PKD1L1: variants seen among roughly 807,000 people sequenced by gnomAD.
PKD1L1 encodes polycystin-1-like protein 1.
Under a neutral mutation model 323.4 loss-of-function variants are expected in PKD1L1, and 236 were observed. The ratio of observed to expected loss-of-function variants is 0.73; its 90% CI spans 0.66 to 0.81. The LOEUF is 0.81. Ranked by LOEUF, PKD1L1 falls within the 40% of genes least tolerant of loss-of-function variation. PKD1L1 has a pLI of 0.00. For missense variants in PKD1L1, 3,320 were observed against 3,508.0 expected (o/e 0.95, Z 1.35); for synonymous variants, 1,344 against 1,335.0 (o/e 1.01, Z -0.15).
At chr7:47,781,490 G>T (rs1226678349) in intron 56 of PKD1L1, among the ~76,000 whole-genome samples, 1 of 145,592 alleles carries the variant, frequency 6.9e-6, no homozygotes, top group Non-Finnish European at 1.5e-5. Context: ...CTCACTGCAA[G>T]CTCCGCCTCC....
Position 47,833,201 on chromosome 7 carries a change from C to T in PKD1L1, c.6226G>A (p.Ala2076Thr). 3.7e-6 allele frequency: 6 copies of T among 1,612,672 alleles called. No homozygotes were observed. The highest frequency in any genetic ancestry group is 2.7e-5 in the African/African-American group (2 of 75,038). The change falls in exon 41 of 57, where the codon GCA (alanine) becomes ACA (threonine). Residue 2076 changes from alanine (A) to threonine (T), a missense_variant. Coordinates refer to ENST00000289672, the MANE Select transcript of PKD1L1 (RefSeq NM_138295.5). Reference protein sequence around the residue: ...SGSGRAQRKAASDNGTACPAP... With the variant: ...SGSGRAQRKATSDNGTACPAP... ...GGACAAGCTGTGCCATTGTCACTTG[C>T]CGCCTTCCTTTGGGCCCTGCCACTC...
chr7:47,911,395 A>G (rs1787319342), intron 8 of PKD1L1, among the ~76,000 whole-genome samples: 1 of 152,180 alleles, frequency 6.6e-6, no homozygotes, highest in Non-Finnish European at 1.5e-5. Flanking sequence ...TTTTCTTTAT[A>G]AGTTACCTAG....
chr7:47,865,568 A>ATTATTTTATTTTATTTTATTTTATT (rs376413474), intron 25 of PKD1L1, among the ~76,000 whole-genome samples: 3,516 of 140,532 alleles, frequency 0.025, 129 homozygotes, highest in South Asian at 0.048. Context: ...CAATTTATTT[A>ATTATTTTATTTTATTTTATTTTATT]TTATTTTATT....
intron 53 of PKD1L1, among the ~76,000 whole-genome samples, chr7:47,802,280 A>AT (rs1554394571): frequency 6.6e-6 from 1 of 151,956 alleles, no homozygotes; most frequent in Non-Finnish European, 1.5e-5. Flanking sequence ...CTACATGCAT[A>AT]TAATCTCAAA....
At chr7:47,933,014 A>G (rs974314592) in intron 4 of PKD1L1, among the ~76,000 whole-genome samples, 2 of 152,180 alleles carry the variant, frequency 1.3e-5, no homozygotes, top group Non-Finnish European at 2.9e-5. Context: ...GTCTGTTAGC[A>G]TGGAGCTCAG....
chr7:47,796,134 A>T lies in PKD1L1; in HGVS notation c.8210T>A (p.Met2737Lys). ...LCFGMLRGFL[M>K]TLPQKRKSFQ... is the part of the protein sequence containing the mutation. Reference sequence around the variant, plus strand: ...AGATTTTCTTTTTTGGGGTAAAGTCATGAGAAAACCTCTCAGCTAGGAAAA... The same window carrying T: ...AGATTTTCTTTTTTGGGGTAAAGTCTTGAGAAAACCTCTCAGCTAGGAAAA... The change falls in exon 55 of 57, where the codon ATG becomes AAG. Residue 2737 changes from methionine (M) to lysine (K), a missense_variant. Coordinates refer to ENST00000289672, the MANE Select transcript of PKD1L1 (RefSeq NM_138295.5). The T allele has an allele frequency of 1.3e-6, 2 of 1,599,438 alleles. No individual in the cohort carries two copies. The highest frequency in any genetic ancestry group is 1.7e-6 in the Non-Finnish European group (2 of 1,174,988).
chr7:47,838,939 A>G (rs1785511939), intron 36 of PKD1L1, among the ~76,000 whole-genome samples: 1 of 151,442 alleles, frequency 6.6e-6, no homozygotes, highest in Admixed American at 6.6e-5. Context: ...TCACAATTGT[A>G]TGAAATGTGT....
chr7:47,931,910 T>C (rs1787777984), intron 5 of PKD1L1, 26 bp downstream of exon 5: 3 of 1,591,894 alleles, frequency 1.9e-6, no homozygotes. Context: ...TCTGATGAAA[T>C]TCAATTGCAG....
Position 47,854,825 on chromosome 7 carries a change from T to C in PKD1L1, c.4859+57A>G, listed in dbSNP as rs544743436. 4 of 1,557,438 alleles carry C rather than the reference T, an allele frequency of 2.6e-6. No homozygotes were observed. In the African/African-American group the frequency reaches 4.1e-5, roughly 16 times the overall value. On this transcript the variant is annotated intron_variant, in intron 30 of 56. Coordinates refer to ENST00000289672, the MANE Select transcript of PKD1L1 (RefSeq NM_138295.5). ...TTCACTGATTTTTTGTCACAAAACA[T>C]TCTTAAGGACAATATGTCTTACTCC...
chr7:47,908,683 T>C (rs552127339), intron 8 of PKD1L1, among the ~76,000 whole-genome samples: 1 of 152,298 alleles, frequency 6.6e-6, no homozygotes, highest in Non-Finnish European at 1.5e-5. Context: ...ATGACAAAAA[T>C]GGTCCCAAAC....
rs200163394 is a variant in PKD1L1, at chr7:47,858,369, C to A, written c.4362+304G>T. Among the ~76,000 whole-genome samples the A allele has an allele frequency of 3.2e-3, 313 of 97,792 alleles. 4 individuals carry two copies. Among genetic ancestry groups the A allele is most frequent in the African/African-American group, 0.018 (308 of 17,096 alleles). The allele number at this position is 97,792 out of a possible 152,430, so 64.2% of individuals were successfully genotyped here. A position where few individuals can be genotyped will look rare whatever the true frequency, so the allele number is the denominator to read the frequency against. ...TACTTCACATAATTCCTCAAAAAAA[C>A]AGAAGGTATCCTGAGAAATAATGTT... On this transcript the variant is annotated intron_variant, in intron 27 of 56. Transcript: ENST00000289672.
At chr7:47,866,076 T>TA (rs372211248) in intron 25 of PKD1L1, among the ~76,000 whole-genome samples, 1 of 152,230 alleles carries the variant, frequency 6.6e-6, no homozygotes, top group African/African-American at 2.4e-5. Flanking sequence ...GAATACATGG[T>TA]AATTTCTTCA....
chr7:47,933,542 C>T (rs898283592), intron 4 of PKD1L1, among the ~76,000 whole-genome samples: 12 of 152,124 alleles, frequency 7.9e-5, no homozygotes, highest in Non-Finnish European at 1.5e-4. Flanking sequence ...TCCAACGCAA[C>T]GTCCTGGCCC....
chr7:47,888,243 A>G, intron 16 of PKD1L1, 93 bp from the exon 17 acceptor site: 1 of 1,326,752 alleles, frequency 7.5e-7, no homozygotes, highest in Non-Finnish European at 1.0e-6. Context: ...AAATCACCCT[A>G]CTTTGGATCT....
chr7:47,865,416 C>T (rs1307875512), intron 25 of PKD1L1, 144 bp from the exon 26 acceptor site: 1 of 673,680 alleles, frequency 1.5e-6, no homozygotes, highest in Admixed American at 2.7e-5. Context: ...GAGGCCAGAC[C>T]TTCTGTACAG....
At position 47,809,456 on chromosome 7, in the gene PKD1L1, G is replaced by C; in HGVS notation, c.7686+17C>G. 1 of 1,505,112 alleles carries C rather than the reference G, an allele frequency of 6.6e-7. No homozygotes were observed. The highest frequency in any genetic ancestry group is 9.0e-7 in the Non-Finnish European group (1 of 1,109,214). 93.2% of individuals were successfully genotyped at this position (1,505,112 alleles called of 1,614,324 possible). A position where few individuals can be genotyped will look rare whatever the true frequency, so the allele number is the denominator to read the frequency against. Reference sequence around the variant, plus strand: ...TTATTGTTATTTTTCAAAAGAAAATGACACAAGAGAGGCTACCTCCAGCCA... The same window carrying C: ...TTATTGTTATTTTTCAAAAGAAAATCACACAAGAGAGGCTACCTCCAGCCA... On this transcript the variant is annotated intron_variant, in intron 51 of 56. Coordinates refer to ENST00000289672, the MANE Select transcript of PKD1L1 (RefSeq NM_138295.5).
At chr7:47,883,571 C>T (rs1786612841) in intron 19 of PKD1L1, among the ~76,000 whole-genome samples, 1 of 152,210 alleles carries the variant, frequency 6.6e-6, no homozygotes, top group Non-Finnish European at 1.5e-5. Flanking sequence ...TGCCTCTTGT[C>T]TCTAGGACCT....
intron 55 of PKD1L1, among the ~76,000 whole-genome samples, chr7:47,793,393 T>G (rs985980408): frequency 6.6e-6 from 1 of 152,170 alleles, no homozygotes; most frequent in African/African-American, 2.4e-5. Context: ...GGGGCTGGTC[T>G]TTCCCGTGCT....
chr7:47,942,435 C>T (rs1472343589), intron 2 of PKD1L1, among the ~76,000 whole-genome samples: 6 of 151,622 alleles, frequency 4.0e-5, no homozygotes, highest in African/African-American at 1.5e-4. Flanking sequence ...CCGCCTCCTG[C>T]CCCGCGCCCC....
Sources: gnomAD v4.1 joint callset for allele counts (sites outside exome capture counted in the v4.1 genomes callset) on GRCh38, gnomAD v4.1.1 for gene constraint, MANE v1.5 for transcripts, NCBI Gene and HGNC (gene_info 2026-07-23, HGNC 2026-07-21) for gene names.